The following DCC variants were observed in gnomAD, a reference collection of about 807,000 sequenced individuals.
The protein encoded by DCC is netrin receptor DCC.
DCC carries 58 observed loss-of-function variants against 172.5 expected under a neutral mutation model. The observed-to-expected ratio is 0.34, with a 90% confidence interval of 0.27 to 0.42. The LOEUF (loss-of-function observed/expected upper bound fraction) is 0.42, where lower values mean the gene tolerates loss of function less well. Ranked by LOEUF, DCC falls within the 10% of genes least tolerant of loss-of-function variation. The pLI is 1.00. For missense variants in DCC, 1,740 were observed against 1,791.0 expected (o/e 0.97, Z 0.51); for synonymous variants, 709 against 644.5 (o/e 1.10, Z -1.52).
At chr18:52,762,927 A>G (rs1391568098) in intron 2 of DCC, among the ~76,000 whole-genome samples, 2 of 152,238 alleles carry the variant, frequency 1.3e-5, no homozygotes, top group Admixed American at 6.5e-5. Flanking sequence ...ATGAGTTTAC[A>G]CTATTTACAT....
chr18:52,754,256 A>T (rs995620544), intron 2 of DCC: 1 of 152,200 alleles, frequency 6.6e-6, no homozygotes, highest in African/African-American at 2.4e-5. Context: ...ATTACATCTC[A>T]TAGATATGTG....
At chr18:53,183,296 G>A (rs1313386977) in intron 9 of DCC, among the ~76,000 whole-genome samples, 1 of 152,130 alleles carries the variant, frequency 6.6e-6, no homozygotes, top group African/African-American at 2.4e-5. Flanking sequence ...GCTCGAAATA[G>A]AAAGGCTTGA....
At chr18:52,896,395 T>C (rs1314474675) in intron 2 of DCC, among the ~76,000 whole-genome samples, 2 of 152,150 alleles carry the variant, frequency 1.3e-5, no homozygotes, top group Non-Finnish European at 2.9e-5. Context: ...TTAAGCGACC[T>C]CTTTCAGTCA....
intron 1 of DCC, among the ~76,000 whole-genome samples, chr18:52,360,014 ATGT>A (rs1984549679): frequency 6.6e-6 from 1 of 152,186 alleles, no homozygotes; most frequent in Admixed American, 6.5e-5. Flanking sequence ...AGATAAATAG[ATGT>A]TGTAGCTATT....
intron 23 of DCC, among the ~76,000 whole-genome samples, chr18:53,451,280 A>G (rs1036714788): frequency 7.2e-5 from 11 of 152,258 alleles, no homozygotes; most frequent in African/African-American, 1.9e-4. Flanking sequence ...ATGCAGCTTT[A>G]GGTTCTAGCA....
intron 12 of DCC, among the ~76,000 whole-genome samples, chr18:53,286,443 C>A (rs1408961240): frequency 6.6e-6 from 1 of 152,150 alleles, no homozygotes; most frequent in African/African-American, 2.4e-5. Flanking sequence ...TTTCACCTTC[C>A]ACCATGATTG....
chr18:52,493,583 T>C (rs924206860), intron 1 of DCC, among the ~76,000 whole-genome samples: 1 of 151,134 alleles, frequency 6.6e-6, no homozygotes, highest in East Asian at 1.9e-4. Flanking sequence ...TTGGGGTTCA[T>C]ATATATTATT....
At chr18:52,767,030 A>G (rs2037263953) in intron 2 of DCC, among the ~76,000 whole-genome samples, 1 of 151,938 alleles carries the variant, frequency 6.6e-6, no homozygotes, top group Non-Finnish European at 1.5e-5. Flanking sequence ...ATGTGGGGAC[A>G]CATATCCTGT....
At chr18:52,701,298 G>A (rs2036118906) in intron 1 of DCC, among the ~76,000 whole-genome samples, 1 of 152,088 alleles carries the variant, frequency 6.6e-6, no homozygotes, top group Admixed American at 6.5e-5. Context: ...CTGAACGATA[G>A]CAATAACTTC....
chr18:52,416,200 T>C (rs569387154), intron 1 of DCC, among the ~76,000 whole-genome samples: 71 of 152,350 alleles, frequency 4.7e-4, no homozygotes, highest in Admixed American at 1.4e-3. Flanking sequence ...AGTTTCTTAA[T>C]CCTGAGTTCT....
At chr18:52,509,836 G>A (rs899248102) in intron 1 of DCC, among the ~76,000 whole-genome samples, 6 of 150,448 alleles carry the variant, frequency 4.0e-5, no homozygotes, top group African/African-American at 1.5e-4. Flanking sequence ...GGGCACGGTG[G>A]CTCACGTCTG....
chr18:53,258,457 A>C (rs1438681171), intron 12 of DCC, among the ~76,000 whole-genome samples: 1 of 151,726 alleles, frequency 6.6e-6, no homozygotes, highest in Non-Finnish European at 1.5e-5. Flanking sequence ...TTCTGCCTTC[A>C]TTTCGTTATG....
intron 7 of DCC, among the ~76,000 whole-genome samples, chr18:53,071,810 A>T (rs2042655005): frequency 6.6e-6 from 1 of 152,206 alleles, no homozygotes; most frequent in Admixed American, 6.5e-5. Context: ...TTCAGTGAAT[A>T]GTCTAGCAAA....
chr18:53,196,629 A>T (rs940997778), intron 9 of DCC, among the ~76,000 whole-genome samples: 2 of 152,130 alleles, frequency 1.3e-5, no homozygotes, highest in Non-Finnish European at 2.9e-5. Context: ...AAGCATATAC[A>T]TATGTGTGTA....
At chr18:52,518,462 G>A (rs1040404011) in intron 1 of DCC, among the ~76,000 whole-genome samples, 2 of 152,196 alleles carry the variant, frequency 1.3e-5, no homozygotes, top group East Asian at 1.9e-4. Flanking sequence ...GATTAGAATA[G>A]GATAAAGTGT....
intron 5 of DCC, among the ~76,000 whole-genome samples, chr18:52,955,268 A>C (rs2040723617): frequency 6.6e-6 from 1 of 152,082 alleles, no homozygotes; most frequent in South Asian, 2.1e-4. Flanking sequence ...CTGTCTCCGT[A>C]ATTTTACCTT....
At chr18:52,858,810 A>G (rs903604790) in intron 2 of DCC, among the ~76,000 whole-genome samples, 4 of 152,168 alleles carry the variant, frequency 2.6e-5, no homozygotes, top group African/African-American at 4.8e-5. Context: ...AGAGTGGGTC[A>G]TTTGTGTGCA....
intron 1 of DCC, among the ~76,000 whole-genome samples, chr18:52,412,546 A>G (rs1350224576): frequency 6.6e-6 from 1 of 152,144 alleles, no homozygotes; most frequent in African/African-American, 2.4e-5. Context: ...TCAAATTTCT[A>G]AGATAATTTC....
At chr18:52,981,555 T>G (rs1263381479) in intron 5 of DCC, among the ~76,000 whole-genome samples, 1 of 152,164 alleles carries the variant, frequency 6.6e-6, no homozygotes. Flanking sequence ...AAAATTGGTC[T>G]CATTAGGAGC....
Sources: gnomAD v4.1 joint callset for allele counts (sites outside exome capture counted in the v4.1 genomes callset) on GRCh38, gnomAD v4.1.1 for gene constraint, MANE v1.5 for transcripts, NCBI Gene and HGNC (gene_info 2026-07-23, HGNC 2026-07-21) for gene names.